The following TNFRSF11A variants were observed in gnomAD, a reference collection of about 807,000 sequenced individuals.
TNFRSF11A encodes tumor necrosis factor receptor superfamily member 11A.
TNFRSF11A carries 32 observed loss-of-function variants against 55.7 expected under a neutral mutation model. That is an observed-to-expected ratio of 0.57 (90% CI 0.43 to 0.77). The LOEUF (loss-of-function observed/expected upper bound fraction) is 0.77. TNFRSF11A is among the 30% of genes least tolerant of loss of function. The probability of loss-of-function intolerance (pLI) is 0.00; values close to 1 mark genes in which losing one functional copy is unlikely to be tolerated. For synonymous variants in TNFRSF11A, 311 were observed against 331.0 expected, an observed-to-expected ratio of 0.94 and a Z score of 0.65; for missense variants, 753 against 809.8, an observed-to-expected ratio of 0.93 and a Z score of 0.85.
At chr18:62,344,924 G>C (rs950621032) in intron 1 of TNFRSF11A, among the ~76,000 whole-genome samples, 2 of 152,214 alleles carry the variant, frequency 1.3e-5, no homozygotes, top group African/African-American at 4.8e-5. Context: ...GCAGTCTAAC[G>C]GGAAACTGAG....
In TNFRSF11A at chr18:62,325,415, C is replaced by T. The variant is rs1273142561; in HGVS notation, c.63C>T (p.Leu21=). Residue 21 remains leucine (L), a synonymous_variant, in exon 1 of 10, where the codon CTC becomes CTT. Transcript: ENST00000586569. The surrounding 1 kb of genome is among the most constrained non-coding windows in gnomAD (Gnocchi z 4.7). The stretch of plus-strand genomic sequence containing the variant: ...CGCTGCTGCTGCTCTGCGCGCTGCT[C>T]GCCCGGCTGCAGGTAAGGAGCGCCC... ...LFALLLLCAL[L]ARLQVALQIA... is the part of the protein sequence containing the mutation. The T allele has an allele frequency of 2.4e-6, 3 of 1,258,618 alleles. No homozygotes were observed. Among genetic ancestry groups the T allele is most frequent in the Non-Finnish European group, 3.0e-6 (3 of 989,568 alleles). The allele number at this position is 1,258,618 out of a possible 1,614,324, so 78.0% of individuals were successfully genotyped here.
intron 9 of TNFRSF11A, among the ~76,000 whole-genome samples, chr18:62,370,028 C>G (rs1244927407): frequency 1.3e-5 from 2 of 152,138 alleles, no homozygotes; most frequent in African/African-American, 4.8e-5. Context: ...GTAAAACTGT[C>G]TTTTAAAAAG....
At position 62,361,803 on chromosome 18, in the gene TNFRSF11A, C is replaced by G; in HGVS notation, c.730+10C>G. 2 of 1,610,682 alleles carry G rather than the reference C, an allele frequency of 1.2e-6. No homozygotes were observed. ...GGGAAAGCACTCACAGGTATTGTGT[C>G]TATGGTGGTTTTTGCAAACCAATCT... On this transcript the variant is annotated intron_variant, in intron 7 of 9. Transcript: ENST00000586569.
chr18:62,376,899 A>G (rs539608503), intron 9 of TNFRSF11A, among the ~76,000 whole-genome samples: 3 of 152,182 alleles, frequency 2.0e-5, no homozygotes, highest in South Asian at 2.1e-4. Context: ...ATGTCTTTTC[A>G]TGGCTTGATA....
chr18:62,370,024 C>T (rs1380364663), intron 9 of TNFRSF11A, among the ~76,000 whole-genome samples: 1 of 152,178 alleles, frequency 6.6e-6, no homozygotes, highest in Non-Finnish European at 1.5e-5. Context: ...TACAGTAAAA[C>T]TGTCTTTTAA....
chr18:62,338,706 T>C (rs2046269635), intron 1 of TNFRSF11A, among the ~76,000 whole-genome samples: 1 of 152,216 alleles, frequency 6.6e-6, no homozygotes, highest in East Asian at 1.9e-4. Flanking sequence ...ACAGAGATTC[T>C]ATTTGGGGTG....
At chr18:62,351,850 G>A (rs2046478077) in intron 3 of TNFRSF11A, among the ~76,000 whole-genome samples, 1 of 152,210 alleles carries the variant, frequency 6.6e-6, no homozygotes, top group Non-Finnish European at 1.5e-5. Flanking sequence ...AAGCTGGAGT[G>A]CAGTGGCACA....
At chr18:62,330,451 A>G (rs4941125) in intron 1 of TNFRSF11A, among the ~76,000 whole-genome samples, 40,139 of 152,098 alleles carry the variant, frequency 0.26, 6,201 homozygotes, top group East Asian at 0.41. Context: ...GTTTGCAGGG[A>G]ACCGAAGGAA....
intron 1 of TNFRSF11A, among the ~76,000 whole-genome samples, chr18:62,331,189 C>A (rs553185846): frequency 6.6e-6 from 1 of 151,218 alleles, no homozygotes; most frequent in African/African-American, 2.4e-5. Context: ...GGTGACAGAG[C>A]GAGACTCCAT....
Position 62,360,033 on chromosome 18 carries a change from T to C in TNFRSF11A, c.600T>C (p.Ala200=). The C allele has an allele frequency of 6.2e-7, 1 of 1,613,896 alleles. No homozygotes were observed. The highest frequency in any genetic ancestry group is 1.3e-5 in the African/African-American group (1 of 75,054). Residue 200 remains alanine, a synonymous_variant, in exon 6 of 10, where the codon GCT becomes GCC. Transcript: ENST00000586569. ...CGGTTTGCAGTTCTTCTCTGCCAGCTAGAAAACCACCAAATGGTATGTTTA... is the reference window on the plus strand; with the variant it reads ...CGGTTTGCAGTTCTTCTCTGCCAGCCAGAAAACCACCAAATGGTATGTTTA... The part of the protein sequence containing the change: ...SDAVCSSSLP[A]RKPPNEPHVY...
At chr18:62,328,998 G>A (rs1469689754) in intron 1 of TNFRSF11A, among the ~76,000 whole-genome samples, 1 of 152,196 alleles carries the variant, frequency 6.6e-6, no homozygotes, top group Non-Finnish European at 1.5e-5. Flanking sequence ...GACATGAAAA[G>A]GGGAGTTCCA....
At chr18:62,334,647 A>C (rs1319377452) in intron 1 of TNFRSF11A, among the ~76,000 whole-genome samples, 3 of 152,254 alleles carry the variant, frequency 2.0e-5, no homozygotes, top group African/African-American at 4.8e-5. Context: ...TGATGAGAAT[A>C]ACCTGGGCTC....
At chr18:62,352,954 G>A (rs1233847473) in intron 3 of TNFRSF11A, among the ~76,000 whole-genome samples, 6 of 152,198 alleles carry the variant, frequency 3.9e-5, no homozygotes, top group Non-Finnish European at 8.8e-5. Flanking sequence ...ATAAGGTGCA[G>A]GGGCTGTTTG....
chr18:62,356,905 A>C (rs1470204500), intron 4 of TNFRSF11A, among the ~76,000 whole-genome samples: 1 of 152,212 alleles, frequency 6.6e-6, no homozygotes, highest in Non-Finnish European at 1.5e-5. Context: ...TATGGAAGTC[A>C]AGCTATGGAA....
chr18:62,382,626 G>A lies in TNFRSF11A; in HGVS notation c.1568-2125G>A, dbSNP rs111387201. Among the ~76,000 whole-genome samples, 379 of 151,948 alleles carry A rather than the reference G, an allele frequency of 2.5e-3. 4 individuals carry two copies. The highest frequency in any genetic ancestry group is 8.8e-3 in the African/African-American group (366 of 41,438). ...CTAGAATATTTTGAGTGATAATGTCGGTGCTGTGTGTTTTGTTTTGGTTTT... is the reference window on the plus strand; with the variant it reads ...CTAGAATATTTTGAGTGATAATGTCAGTGCTGTGTGTTTTGTTTTGGTTTT... On this transcript the variant is annotated intron_variant, in intron 9 of 9. Transcript: ENST00000586569.
In TNFRSF11A at chr18:62,368,720, G is replaced by T. The variant is rs141157565; in HGVS notation, c.803G>T (p.Cys268Phe). 3 of 1,614,132 alleles carry T rather than the reference G, an allele frequency of 1.9e-6. No homozygotes were observed. The African/African-American group carries it at 4.0e-5, about 22-fold the overall frequency. ...CGGCAGGAGTCCTCAGGTGACAGTT[G>T]TGTCAGTACACACACGGCAAACTTT... ...SGDKESSGDS[C>F]VSTHTANFGQ... Residue 268 changes from cysteine (C) to phenylalanine (F), a missense_variant, in exon 9 of 10, where the codon TGT becomes TTT. By Grantham distance (205) the Cys-to-Phe change is radical. Transcript: ENST00000586569.
At chr18:62,380,802 A>ATTTTT (rs1911227647) in intron 9 of TNFRSF11A, among the ~76,000 whole-genome samples, 1 of 128,106 alleles carries the variant, frequency 7.8e-6, no homozygotes, top group African/African-American at 2.8e-5. Context: ...CAAAAATAAT[A>ATTTTT]TTCTTTTTTT....
At chr18:62,353,712 C>CGT (rs35838037) in intron 3 of TNFRSF11A, among the ~76,000 whole-genome samples, 38,942 of 151,068 alleles carry the variant, frequency 0.26, 6,167 homozygotes, top group Non-Finnish European at 0.35. Context: ...ATAACAGATA[C>CGT]GTGTGTGTGT....
intron 4 of TNFRSF11A, among the ~76,000 whole-genome samples, chr18:62,355,996 C>T (rs918512408): frequency 3.3e-5 from 5 of 152,284 alleles, no homozygotes; most frequent in South Asian, 2.1e-4. Context: ...TTATTTTTAA[C>T]GCTCTATCAG....
Sources: gnomAD v4.1 joint callset for allele counts (sites outside exome capture counted in the v4.1 genomes callset) on GRCh38, gnomAD v4.1.1 for gene constraint, Gnocchi (gnomAD v3.1) non-coding constraint, MANE v1.5 for transcripts, NCBI Gene and HGNC (gene_info 2026-07-23, HGNC 2026-07-21) for gene names.